NIPA2: variants seen among roughly 807,000 people sequenced by gnomAD.
NIPA2 encodes magnesium transporter NIPA2.
A neutral mutation model predicts 29.7 loss-of-function variants in NIPA2; 11 were observed. The observed-to-expected ratio is 0.37, with a 90% CI of 0.23 to 0.61. The LOEUF is 0.61. Ranked by LOEUF, NIPA2 falls within the 20% of genes least tolerant of loss-of-function variation. The pLI, the probability that NIPA2 is intolerant of heterozygous loss-of-function variation, is 0.66. For missense variants in NIPA2, 426 were observed against 437.9 expected, an observed-to-expected ratio of 0.97 and a Z score of 0.24; for synonymous variants, 183 against 161.9, an observed-to-expected ratio of 1.13 and a Z score of -0.99.
In NIPA2 at chr15:22,866,455, A is replaced by T; in HGVS notation, c.691A>T (p.Thr231Ser). Residue 231 changes from threonine to serine, a missense_variant, in exon 8 of 8, where the codon ACA becomes TCA. Thr to Ser is a moderately conservative substitution (Grantham distance 58). Transcript: ENST00000337451. ...GCTGAGCCTCATCGTCTGTGTGAGCACACAGATTAATTACCTAAATAGGGC... is the reference window on the plus strand; with the variant it reads ...GCTGAGCCTCATCGTCTGTGTGAGCTCACAGATTAATTACCTAAATAGGGC... Reference protein sequence around the residue: ...LLLSLIVCVSTQINYLNRALD... With the variant: ...LLLSLIVCVSSQINYLNRALD... 6.2e-7 allele frequency: 1 copy of T among 1,614,156 alleles called. No homozygotes were observed. The highest frequency in any genetic ancestry group is 8.5e-7 in the Non-Finnish European group (1 of 1,180,014).
At chr15:22,865,839 G>T (rs1164543146) in intron 7 of NIPA2, among the ~76,000 whole-genome samples, 1 of 151,772 alleles carries the variant, frequency 6.6e-6, no homozygotes, top group East Asian at 1.9e-4. Context: ...TGTGTTTTTT[G>T]TTTTTTTTAG....
chr15:22,840,168 A>C (rs1291021366), intron 2 of NIPA2, among the ~76,000 whole-genome samples: 1 of 151,548 alleles, frequency 6.6e-6, no homozygotes, highest in Non-Finnish European at 1.5e-5. Context: ...CGATCCAACC[A>C]CCTTGGCCTC....
intron 5 of NIPA2, among the ~76,000 whole-genome samples, chr15:22,857,698 A>AT: frequency 6.6e-6 from 1 of 150,580 alleles, no homozygotes; most frequent in East Asian, 2.0e-4. Flanking sequence ...TTACCTGGGC[A>AT]TGGTGGCGCC....
Position 22,867,148 on chromosome 15 carries a change from G to A in NIPA2, c.*301G>A, listed in dbSNP as rs2059151210. 2.2e-6 allele frequency: 1 copy of A among 444,866 alleles called. No homozygotes were observed. Among genetic ancestry groups the A allele is most frequent in the African/African-American group, 2.0e-5 (1 of 49,042 alleles). The allele number at this position is 444,866 out of a possible 1,614,324, so 27.6% of individuals were successfully genotyped here. ...ATGACAGTTTTAAGTCTATGAAAAT[G>A]CTTTATTTTTTCATTGGTGATGAAA... On this transcript the variant is annotated 3_prime_UTR_variant, in exon 8 of 8. Transcript: ENST00000337451.
intron 2 of NIPA2, among the ~76,000 whole-genome samples, chr15:22,840,074 C>T (rs1353060102): frequency 1.3e-5 from 2 of 152,032 alleles, no homozygotes; most frequent in African/African-American, 4.8e-5. Flanking sequence ...ACGTGCGGCA[C>T]CATGCCTGGC....
At chr15:22,854,279 A>G (rs959173209) in intron 5 of NIPA2, among the ~76,000 whole-genome samples, 1 of 151,596 alleles carries the variant, frequency 6.6e-6, no homozygotes, top group South Asian at 2.1e-4. Context: ...GGTGTGCGCC[A>G]CCAAGCCCAG....
intron 2 of NIPA2, among the ~76,000 whole-genome samples, chr15:22,842,140 T>C (rs757863549): frequency 3.9e-5 from 6 of 152,154 alleles, no homozygotes; most frequent in African/African-American, 1.4e-4. Flanking sequence ...GATAACCCCA[T>C]GTGGGCTGTT....
In NIPA2 at chr15:22,860,026, CTT is replaced by C. The variant is rs11315074; in HGVS notation, c.288-588_288-587del. 1.9e-3 allele frequency among the ~76,000 whole-genome samples: 270 copies of C among 139,084 alleles called. 2 individuals carry two copies. The highest frequency in any genetic ancestry group is 1.2e-3 in the Non-Finnish European group (79 of 63,806). 91.2% of individuals were successfully genotyped at this position (139,084 alleles called of 152,430 possible). ...AGCACTGGTGGTTTGGATAGAGATT[CTT>C]TTTTTTTTTTTTTTCCTTTGGAGAT... On this transcript the variant is annotated intron_variant, in intron 6 of 7. Transcript: ENST00000337451.
At chr15:22,842,006 A>G (rs1430140301) in intron 2 of NIPA2, among the ~76,000 whole-genome samples, 1 of 152,188 alleles carries the variant, frequency 6.6e-6, no homozygotes, top group African/African-American at 2.4e-5. Flanking sequence ...AACTATGGTC[A>G]TTAGAATCCC....
intron 3 of NIPA2, among the ~76,000 whole-genome samples, chr15:22,848,282 G>C (rs1056113423): frequency 1.3e-5 from 2 of 152,018 alleles, no homozygotes; most frequent in Non-Finnish European, 2.9e-5. Context: ...ACTGCCACTT[G>C]CTAGCATATT....
intron 7 of NIPA2, 87 bp from the exon 8 acceptor site, chr15:22,866,126 T>TATCA: frequency 9.2e-7 from 1 of 1,086,352 alleles, no homozygotes; most frequent in Non-Finnish European, 1.3e-6. Flanking sequence ...CTTTTCTCCC[T>TATCA]ATCAAGTTTA....
At chr15:22,848,369 C>T (rs2057439553) in intron 3 of NIPA2, among the ~76,000 whole-genome samples, 2 of 152,042 alleles carry the variant, frequency 1.3e-5, no homozygotes, top group South Asian at 4.1e-4. Context: ...CTAAATGATG[C>T]AGTAGTTTTC....
chr15:22,857,855 AAAAG>A (rs1483386860), intron 5 of NIPA2, among the ~76,000 whole-genome samples: 4 of 151,590 alleles, frequency 2.6e-5, no homozygotes, highest in Non-Finnish European at 5.9e-5. Flanking sequence ...AAAAAAAAAA[AAAAG>A]GACCAAATGA....
chr15:22,842,391 T>C (rs984288915), intron 2 of NIPA2, among the ~76,000 whole-genome samples: 1 of 152,112 alleles, frequency 6.6e-6, no homozygotes, highest in Non-Finnish European at 1.5e-5. Flanking sequence ...AAATATGGTA[T>C]GGGGAAATAA....
chr15:22,859,729 A>G (rs2058486083), intron 6 of NIPA2, among the ~76,000 whole-genome samples: 1 of 152,126 alleles, frequency 6.6e-6, no homozygotes, highest in African/African-American at 2.4e-5. Context: ...ACTATTCCCA[A>G]AGTAGATTGA....
At position 22,860,753 on chromosome 15, in the gene NIPA2, A is replaced by G. The variant is rs962410445; in HGVS notation, c.412A>G (p.Thr138Ala). 6.2e-7 allele frequency: 1 copy of G among 1,600,402 alleles called. No homozygotes were observed. The highest frequency in any genetic ancestry group is 1.3e-5 in the African/African-American group (1 of 74,294). ...TGCTCCAAAGGAAGAGGAGATTGAGACTTTAAATGAAATGTCTCACAAGCT... is the reference window on the plus strand; with the variant it reads ...TGCTCCAAAGGAAGAGGAGATTGAGGCTTTAAATGAAATGTCTCACAAGCT... Reference protein sequence around the residue: ...IHAPKEEEIETLNEMSHKLGD... With the variant: ...IHAPKEEEIEALNEMSHKLGD... The change falls in exon 7 of 8, where the codon ACT becomes GCT. Residue 138 changes from threonine to alanine, a missense_variant. By Grantham distance (58) the Thr-to-Ala change is moderately conservative. This residue lies in a region of NIPA2 where 357 missense variants were observed against 339.8 expected (regional missense o/e 1.05). Transcript: ENST00000337451.
intron 3 of NIPA2, among the ~76,000 whole-genome samples, chr15:22,848,655 A>G (rs185021180): frequency 2.9e-4 from 43 of 150,338 alleles, no homozygotes; most frequent in African/African-American, 1.0e-3. Context: ...GTGAAACTCC[A>G]TCTCTACTAA....
chr15:22,844,722 C>G (rs1418638487), intron 2 of NIPA2, among the ~76,000 whole-genome samples: 1 of 152,022 alleles, frequency 6.6e-6, no homozygotes, highest in Non-Finnish European at 1.5e-5. Flanking sequence ...CCACTGCACT[C>G]CAGCCTGGGA....
rs191824953 is a variant in NIPA2, at chr15:22,856,421, A to G, written c.197-2119A>G. On this transcript the variant is annotated intron_variant, in intron 5 of 7. Coordinates refer to ENST00000337451, the MANE Select transcript of NIPA2 (RefSeq NM_030922.7). ...TTTTTTTCTTTTTGAGAAGTCAGTC[A>G]TACATAAATGGAAATTAGATAGTAG... 1.9e-4 allele frequency among the ~76,000 whole-genome samples: 29 copies of G among 151,934 alleles called. No individual in the cohort carries two copies. In the East Asian group the frequency reaches 4.1e-3, roughly 21 times the overall value.
Sources: gnomAD v4.1 joint callset for allele counts (sites outside exome capture counted in the v4.1 genomes callset) on GRCh38, gnomAD v4.1.1 for gene constraint, gnomAD v4.1.1 regional missense constraint, MANE v1.5 for transcripts, NCBI Gene and HGNC (gene_info 2026-07-23, HGNC 2026-07-21) for gene names.